TOPBP1: variants seen among roughly 807,000 people sequenced by gnomAD.
TOPBP1 encodes the protein DNA topoisomerase II binding protein 1, also known as DNA topoisomerase 2-binding protein 1.
TOPBP1 carries 28 observed loss-of-function variants against 167.7 expected under a neutral mutation model. The ratio of observed to expected loss-of-function variants is 0.17; its 90% CI spans 0.12 to 0.23. The LOEUF is 0.23. Among genes scored for constraint, TOPBP1 ranks in the 10% least tolerant of loss-of-function variants. The pLI is 1.00. For missense variants in TOPBP1, 1,554 were observed against 1,809.6 expected (o/e 0.86, Z 2.56); for synonymous variants, 598 against 611.4 (o/e 0.98, Z 0.32).
chr3:133,615,695 TA>T (rs903862736), intron 23 of TOPBP1, among the ~76,000 whole-genome samples: 21 of 151,690 alleles, frequency 1.4e-4, no homozygotes, highest in South Asian at 1.3e-3. Context: ...TTACTTTATA[TA>T]AAAAAAAACT....
In TOPBP1 at chr3:133,617,175, C is replaced by T. The variant is rs375533520; in HGVS notation, c.3744G>A (p.Pro1248=). The part of the protein sequence containing the change: ...AFPLANPPVA[P]HPREKIITIE... ...ATCAACAAACCTTTTCTCTAGGGTG[C>T]GGAGCCACAGGGGGGTTGGCGAGTG... The change falls in exon 22 of 28, where the codon CCG becomes CCA. Residue 1248 remains proline, a synonymous_variant. Coordinates refer to ENST00000260810, the MANE Select transcript of TOPBP1 (RefSeq NM_007027.4). The T allele has an allele frequency of 9.3e-6, 15 of 1,610,996 alleles. No homozygotes were observed. Among genetic ancestry groups the T allele is most frequent in the South Asian group, 3.3e-5 (3 of 90,658 alleles).
At chr3:133,652,214 T>C (rs941149237) in intron 8 of TOPBP1, among the ~76,000 whole-genome samples, 3 of 151,944 alleles carry the variant, frequency 2.0e-5, no homozygotes, top group Non-Finnish European at 4.4e-5. Flanking sequence ...TTAATGTAGT[T>C]AGGAGGGTTC....
chr3:133,626,952 T>TGAAGACA (rs997082351), intron 16 of TOPBP1, among the ~76,000 whole-genome samples: 2 of 152,166 alleles, frequency 1.3e-5, no homozygotes, highest in African/African-American at 4.8e-5. Flanking sequence ...TTTAACTGTC[T>TGAAGACA]GAAGACAGAA....
At chr3:133,630,162 G>A (rs1935421520) in intron 14 of TOPBP1, among the ~76,000 whole-genome samples, 1 of 151,666 alleles carries the variant, frequency 6.6e-6, no homozygotes, top group South Asian at 2.1e-4. Flanking sequence ...TGGGTTGTTA[G>A]TCTTTTTTTT....
At chr3:133,645,590 T>C (rs1237475696) in intron 10 of TOPBP1, among the ~76,000 whole-genome samples, 4 of 152,122 alleles carry the variant, frequency 2.6e-5, no homozygotes, top group Non-Finnish European at 5.9e-5. Flanking sequence ...GAGAAAAAAA[T>C]AACTTTTTTC....
chr3:133,624,076 A>G lies in TOPBP1; in HGVS notation c.2904T>C (p.Ile968=), dbSNP rs1461454744. Residue 968 remains isoleucine, a synonymous_variant, in exon 17 of 28, where the codon ATT becomes ATC. Transcript: ENST00000260810. ...YKSVKERGVH[I]VSEHWLLDCA... ...CATCTAAAAGCCAGTGCTCGGAAAC[A>G]ATGTGTACTCCTCTTTCTTTTACAG... 7 of 1,613,582 alleles carry G rather than the reference A, an allele frequency of 4.3e-6. No individual in the cohort carries two copies. The highest frequency in any genetic ancestry group is 5.9e-6 in the Non-Finnish European group (7 of 1,179,708).
chr3:133,653,321 T>C, intron 7 of TOPBP1, 24 bp downstream of exon 7: 2 of 1,537,516 alleles, frequency 1.3e-6, no homozygotes, highest in Non-Finnish European at 1.7e-6. Flanking sequence ...TCAGAATAAT[T>C]ATTTTAATCT....
intron 11 of TOPBP1, 143 bp downstream of exon 11, chr3:133,643,877 T>C: frequency 1.2e-6 from 1 of 820,500 alleles, no homozygotes; most frequent in South Asian, 2.0e-5. Context: ...TAATTTTGAA[T>C]TTCCCTTGCT....
rs1936215548 is a variant in TOPBP1, at chr3:133,649,663, G to GT, written c.1254-31dup. Reference sequence around the variant, plus strand: ...AAAAATAGCACATAGTTATGTATTAGTGCAAGCTATAAAGACCATCATCCC... The same window carrying GT: ...AAAAATAGCACATAGTTATGTATTAGTTGCAAGCTATAAAGACCATCATCCC... On this transcript the variant is annotated intron_variant, in intron 9 of 27. Coordinates refer to ENST00000260810, the MANE Select transcript of TOPBP1 (RefSeq NM_007027.4). 1.9e-6 allele frequency: 3 copies of GT among 1,608,344 alleles called. No homozygotes were observed. The Middle Eastern group carries it at 5.0e-4, about 267-fold the overall frequency.
chr3:133,643,070 G>T, intron 12 of TOPBP1, 130 bp downstream of exon 12: 1 of 816,922 alleles, frequency 1.2e-6, no homozygotes, highest in Non-Finnish European at 1.7e-6. Flanking sequence ...TGGGAGTGGA[G>T]AAGGAACCAC....
At chr3:133,635,459 T>G (rs1935636275) in intron 14 of TOPBP1, among the ~76,000 whole-genome samples, 1 of 152,090 alleles carries the variant, frequency 6.6e-6, no homozygotes, top group South Asian at 2.1e-4. Flanking sequence ...TCTCGCTATA[T>G]TGCCTAGACT....
chr3:133,622,520 G>C (rs1299985189), intron 19 of TOPBP1, among the ~76,000 whole-genome samples: 1 of 151,586 alleles, frequency 6.6e-6, no homozygotes, highest in Non-Finnish European at 1.5e-5. Flanking sequence ...TTTTTTAATG[G>C]GGGAAAAACA....
At position 133,644,318 on chromosome 3, in the gene TOPBP1, T is replaced by G; in HGVS notation, c.1550A>C (p.His517Pro). ...SEARPFNDST[H>P]AEPLNDSTHI... ...AGTAGAATCATTCAAGGGCTCAGCATGAGTAGAATCATTAAAGGGCCTGGC... is the reference window on the plus strand; with the variant it reads ...AGTAGAATCATTCAAGGGCTCAGCAGGAGTAGAATCATTAAAGGGCCTGGC... Residue 517 changes from histidine to proline, a missense_variant, in exon 11 of 28, where the codon CAT becomes CCT. This residue lies in a region of TOPBP1 where 1,197 missense variants were observed against 1,351.5 expected (regional missense o/e 0.89). Coordinates refer to ENST00000260810, the MANE Select transcript of TOPBP1 (RefSeq NM_007027.4). 1 of 1,604,260 alleles carries G rather than the reference T, an allele frequency of 6.2e-7. No individual in the cohort carries two copies. Among genetic ancestry groups the G allele is most frequent in the Non-Finnish European group, 8.5e-7 (1 of 1,175,852 alleles).
chr3:133,621,956 C>T (rs1315088279), intron 19 of TOPBP1, among the ~76,000 whole-genome samples: 1 of 141,278 alleles, frequency 7.1e-6, no homozygotes, highest in African/African-American at 2.6e-5. Context: ...ATAATGAATA[C>T]AATACAGTTG....
chr3:133,608,644 G>GA lies in TOPBP1; in HGVS notation c.4315dup (p.Ser1439PhefsTer2). 1 of 1,613,546 alleles carries GA rather than the reference G, an allele frequency of 6.2e-7. No homozygotes were observed. The highest frequency in any genetic ancestry group is 1.1e-5 in the South Asian group (1 of 91,076). ...ATCTGGTTTCAGTTTATTCAAGTCA[G>GA]AAAAAAGATGTGTGGCCTCTTTAAA... is the stretch of plus-strand genomic sequence containing the variant. On this transcript the variant is annotated frameshift_variant, in exon 27 of 28. Transcript: ENST00000260810. LOFTEE classifies it high-confidence loss of function.
chr3:133,643,943 T>A, intron 11 of TOPBP1, 77 bp downstream of exon 11: 1 of 1,396,586 alleles, frequency 7.2e-7, no homozygotes, highest in Non-Finnish European at 9.7e-7. Context: ...AACTGAACTG[T>A]CTAAGAAATA....
In TOPBP1 at chr3:133,644,231, G is replaced by C; in HGVS notation, c.1637C>G (p.Thr546Arg). Residue 546 changes from threonine (T) to arginine (R), a missense_variant, in exon 11 of 28, where the codon ACA becomes AGA. Transcript: ENST00000260810. ...SVSHCVPDVS[T>R]ITEEGLFSQK... The stretch of plus-strand genomic sequence containing the variant: ...GCTAAATAAGCCTTCTTCAGTAATT[G>C]TAGAAACATCAGGGACACAATGACT... 6.2e-7 allele frequency: 1 copy of C among 1,613,878 alleles called. No individual in the cohort carries two copies. Among genetic ancestry groups the C allele is most frequent in the Non-Finnish European group, 8.5e-7 (1 of 1,179,844 alleles).
intron 12 of TOPBP1, among the ~76,000 whole-genome samples, chr3:133,642,717 G>A (rs4854739): frequency 0.88 from 134,432 of 152,218 alleles, 59,464 homozygotes; most frequent in East Asian, 0.97. Flanking sequence ...AGGGGTTACA[G>A]TCTTATCATT....
In TOPBP1 at chr3:133,607,147, T is replaced by C. The variant is rs182536108; in HGVS notation, c.4425+1388A>G. ...AAGGCTTACACAGATTGAGTATCCC[T>C]TATCTGAAGTGCTTAGAATCAGAAG... On this transcript the variant is annotated intron_variant, in intron 27 of 27. Coordinates refer to ENST00000260810, the MANE Select transcript of TOPBP1 (RefSeq NM_007027.4). 1.1e-3 allele frequency among the ~76,000 whole-genome samples: 163 copies of C among 152,316 alleles called. 1 individual carries two copies. The highest frequency in any genetic ancestry group is 1.8e-4 in the Non-Finnish European group (12 of 68,012).
Sources: gnomAD v4.1 joint callset for allele counts (sites outside exome capture counted in the v4.1 genomes callset) on GRCh38, gnomAD v4.1.1 for gene constraint, gnomAD v4.1.1 regional missense constraint, MANE v1.5 for transcripts, NCBI Gene and HGNC (gene_info 2026-07-23, HGNC 2026-07-21) for gene names.